Variants in KLHL29 observed in about 807,000 individuals in gnomAD.
KLHL29 encodes the protein kelch like family member 29.
A neutral mutation model predicts 80.4 loss-of-function variants in KLHL29; 21 were observed. The ratio of observed to expected loss-of-function variants is 0.26; its 90% CI spans 0.19 to 0.38. KLHL29 has a LOEUF of 0.38. Among genes scored for constraint, KLHL29 ranks in the 10% least tolerant of loss-of-function variants. KLHL29 has a pLI of 1.00. For missense variants in KLHL29, 867 were observed against 1,223.9 expected (o/e 0.71, Z 4.35); for synonymous variants, 511 against 526.8 (o/e 0.97, Z 0.41).
At chr2:23,704,162 C>A (rs529277578) in intron 13 of KLHL29, among the ~76,000 whole-genome samples, 1 of 152,308 alleles carries the variant, frequency 6.6e-6, no homozygotes, top group South Asian at 2.1e-4. Flanking sequence ...GGTCAGCTTC[C>A]CCCAGGACCA....
At chr2:23,419,509 G>A (rs6761321) in intron 1 of KLHL29, among the ~76,000 whole-genome samples, 9,648 of 152,230 alleles carry the variant, frequency 0.063, 1,003 homozygotes, top group African/African-American at 0.22. Flanking sequence ...TCCCTGTCTC[G>A]CTAGGCTTGA....
In KLHL29 at chr2:23,669,718, G is replaced by A. The variant is rs1279526485; in HGVS notation, c.941-14681G>A. Among the ~76,000 whole-genome samples, 2 of 152,158 alleles carry A rather than the reference G, an allele frequency of 1.3e-5. No homozygotes were observed. The highest frequency in any genetic ancestry group is 6.5e-5 in the Admixed American group (1 of 15,282). ...GCCCTGCCACCCCCAGTCAGCCTCT[G>A]AGCACAGTGGCCGGTGCCCAGCTCA... is the stretch of plus-strand genomic sequence containing the variant. On this transcript the variant is annotated intron_variant, in intron 5 of 13. Coordinates refer to ENST00000486442, the MANE Select transcript of KLHL29 (RefSeq NM_052920.2). This position sits in a 1 kb window ranked among gnomAD's most constrained non-coding sequence, Gnocchi z 4.3.
rs1180187663 is a variant in KLHL29 at position 23,595,959 on chromosome 2, C to T, written c.285+33478C>T. Among the ~76,000 whole-genome samples, 11 of 152,350 alleles carry T rather than the reference C, an allele frequency of 7.2e-5. 1 individual carries two copies. The East Asian group carries it at 1.2e-3, about 16-fold the overall frequency. On this transcript the variant is annotated intron_variant, in intron 3 of 13. Coordinates refer to ENST00000486442, the MANE Select transcript of KLHL29 (RefSeq NM_052920.2). ...CATCCCATCCCCAGCTAGTCCTGGG[C>T]GGGCTTCTTCCTCAGAAGCATTCCA... is the stretch of plus-strand genomic sequence containing the variant.
intron 2 of KLHL29, among the ~76,000 whole-genome samples, chr2:23,483,711 GGGTT>G (rs1664858066): frequency 6.6e-6 from 1 of 152,146 alleles, no homozygotes; most frequent in Admixed American, 6.5e-5. Context: ...AGACAAAAAG[GGGTT>G]CTTGTTGCCA....
At chr2:23,651,411 G>A (rs930488093) in intron 5 of KLHL29, among the ~76,000 whole-genome samples, 8 of 151,992 alleles carry the variant, frequency 5.3e-5, no homozygotes, top group Admixed American at 5.2e-4. Flanking sequence ...ATGACCTCTC[G>A]GTGTCATTGC....
intron 2 of KLHL29, among the ~76,000 whole-genome samples, chr2:23,540,185 T>C (rs1666791056): frequency 6.6e-6 from 1 of 152,128 alleles, no homozygotes; most frequent in South Asian, 2.1e-4. Flanking sequence ...CCCTGGTACC[T>C]GCCCAGCCCC....
intron 3 of KLHL29, among the ~76,000 whole-genome samples, chr2:23,605,990 G>A (rs1366499532): frequency 3.3e-5 from 5 of 151,946 alleles, no homozygotes; most frequent in Non-Finnish European, 2.9e-5. Context: ...GGCTGGTCTC[G>A]AATTCCTGAC....
At chr2:23,650,082 C>T (rs890549554) in intron 5 of KLHL29, among the ~76,000 whole-genome samples, 1 of 152,230 alleles carries the variant, frequency 6.6e-6, no homozygotes, top group Non-Finnish European at 1.5e-5. Flanking sequence ...GCATGCCCCA[C>T]GTGGTCTGGG....
At chr2:23,438,149 T>C (rs1301961808) in intron 1 of KLHL29, among the ~76,000 whole-genome samples, 5 of 150,314 alleles carry the variant, frequency 3.3e-5, no homozygotes, top group African/African-American at 1.2e-4. Flanking sequence ...GTGATTTTTG[T>C]ACATTGATTT....
At chr2:23,697,756 A>ATAT (rs1423828841) in intron 11 of KLHL29, 4 of 152,200 alleles carry the variant, frequency 2.6e-5, no homozygotes, top group Non-Finnish European at 5.9e-5. Context: ...GAAAATGAGG[A>ATAT]TATTACCGCA....
intron 1 of KLHL29, among the ~76,000 whole-genome samples, chr2:23,444,657 C>T (rs760401106): frequency 1.3e-5 from 2 of 152,148 alleles, no homozygotes; most frequent in African/African-American, 2.4e-5. Flanking sequence ...TGTGCGTTAA[C>T]ATGTTTACCT....
At chr2:23,526,294 G>A (rs934422502) in intron 2 of KLHL29, among the ~76,000 whole-genome samples, 1 of 152,148 alleles carries the variant, frequency 6.6e-6, no homozygotes, top group East Asian at 1.9e-4. Context: ...CACAGGGGAG[G>A]GGAAACCAGA....
At chr2:23,505,567 G>A (rs1325130294) in intron 2 of KLHL29, among the ~76,000 whole-genome samples, 4 of 152,200 alleles carry the variant, frequency 2.6e-5, no homozygotes, top group African/African-American at 4.8e-5. Flanking sequence ...AGGCATGGCT[G>A]CCCCATCCCT....
At chr2:23,679,770 G>C (rs1380265894) in intron 5 of KLHL29, among the ~76,000 whole-genome samples, 2 of 152,196 alleles carry the variant, frequency 1.3e-5, no homozygotes, top group Admixed American at 1.3e-4. Context: ...CTCCGGAGGA[G>C]GGCAGAGGGC....
intron 1 of KLHL29, among the ~76,000 whole-genome samples, chr2:23,456,579 C>T (rs181551764): frequency 2.0e-5 from 3 of 152,330 alleles, no homozygotes; most frequent in Non-Finnish European, 2.9e-5. Flanking sequence ...AGTGAGGAGC[C>T]GGAAACATTC....
chr2:23,597,214 G>A (rs1558402555), intron 3 of KLHL29, among the ~76,000 whole-genome samples: 1 of 150,516 alleles, frequency 6.6e-6, no homozygotes, highest in Non-Finnish European at 1.5e-5. Context: ...GTCTGATGAG[G>A]GCATTGTTTC....
At chr2:23,591,467 C>T (rs1256860828) in intron 3 of KLHL29, among the ~76,000 whole-genome samples, 3 of 151,386 alleles carry the variant, frequency 2.0e-5, no homozygotes, top group Non-Finnish European at 4.4e-5. Flanking sequence ...CACATCTCAG[C>T]CTCCCCCTGG....
intron 3 of KLHL29, among the ~76,000 whole-genome samples, chr2:23,618,513 T>A (rs777361619): frequency 6.6e-6 from 1 of 152,092 alleles, no homozygotes; most frequent in Non-Finnish European, 1.5e-5. Flanking sequence ...CGCCTTTGAG[T>A]TGGGACATTG....
intron 1 of KLHL29, among the ~76,000 whole-genome samples, chr2:23,453,418 G>A (rs1663947236): frequency 6.6e-6 from 1 of 152,240 alleles, no homozygotes. Context: ...CTCCCACATT[G>A]AGGCTTTTCA....
Sources: allele counts gnomAD v4.1 joint callset (sites outside exome capture counted in the v4.1 genomes callset), GRCh38; gene constraint gnomAD v4.1.1; non-coding constraint Gnocchi (gnomAD v3.1); transcripts MANE v1.5; gene names NCBI Gene and HGNC (gene_info 2026-07-23, HGNC 2026-07-21).